The following AGMO variants were observed in gnomAD, a reference collection of about 807,000 sequenced individuals.
AGMO encodes the protein alkylglycerol monooxygenase, also known as glyceryl-ether monooxygenase.
AGMO carries 75 observed loss-of-function variants against 60.2 expected under a neutral mutation model. That is an observed-to-expected ratio of 1.25 (90% CI 1.03 to 1.51). AGMO has a LOEUF of 1.51. Among genes scored for constraint, AGMO ranks in the 40% most tolerant of loss-of-function variants. The pLI is 0.00. For synonymous variants in AGMO, 261 were observed against 177.1 expected, an observed-to-expected ratio of 1.47 and a Z score of -3.76; for missense variants, 763 against 525.5, an observed-to-expected ratio of 1.45 and a Z score of -4.42.
At chr7:15,507,453 G>C (rs187417894) in intron 3 of AGMO, among the ~76,000 whole-genome samples, 1 of 152,046 alleles carries the variant, frequency 6.6e-6, no homozygotes. Context: ...GTAGGACAGA[G>C]GCATATGTTT....
intron 4 of AGMO, among the ~76,000 whole-genome samples, chr7:15,421,356 A>G (rs1780916783): frequency 6.6e-6 from 1 of 152,188 alleles, no homozygotes; most frequent in Non-Finnish European, 1.5e-5. Context: ...GAATTTAGAC[A>G]GTGGCTAAAC....
chr7:15,188,123 T>C, the AGMO span, among the ~76,000 whole-genome samples: 2,300 of 152,162 alleles, frequency 0.015, 50 homozygotes, highest in African/African-American at 0.053. Flanking sequence ...CTGGTATGGG[T>C]CAAACAGAGG....
At chr7:15,194,198 A>G in the AGMO span, among the ~76,000 whole-genome samples, 33 of 152,274 alleles carry the variant, frequency 2.2e-4, no homozygotes, top group African/African-American at 7.2e-4. Context: ...AAATTACTTC[A>G]GTTACATTAA....
At chr7:15,375,903 A>G (rs1783433960) in intron 10 of AGMO, among the ~76,000 whole-genome samples, 1 of 152,146 alleles carries the variant, frequency 6.6e-6, no homozygotes, top group Admixed American at 6.5e-5. Context: ...ACCAAATTAG[A>G]AAACACTTAT....
At chr7:15,225,606 TAAA>T (rs1782056413) in intron 12 of AGMO, among the ~76,000 whole-genome samples, 1 of 151,950 alleles carries the variant, frequency 6.6e-6, no homozygotes. Context: ...ATATGAGAGA[TAAA>T]AAGACAGACT....
At chr7:15,500,251 T>A (rs1271296603) in intron 3 of AGMO, among the ~76,000 whole-genome samples, 1 of 151,888 alleles carries the variant, frequency 6.6e-6, no homozygotes, top group African/African-American at 2.4e-5. Flanking sequence ...AAACTGAGTC[T>A]TTTGAGTGTC....
Position 15,271,892 on chromosome 7 carries a change from T to C in AGMO, c.1264-70533A>G, listed in dbSNP as rs554926764. 3.3e-5 allele frequency among the ~76,000 whole-genome samples: 5 copies of C among 152,284 alleles called. No individual in the cohort carries two copies. The South Asian group carries it at 6.2e-4, about 19-fold the overall frequency. On this transcript the variant is annotated intron_variant, in intron 12 of 12. Coordinates refer to ENST00000342526, the MANE Select transcript of AGMO (RefSeq NM_001004320.2). ...TTAACAAAAAGGATGCCAAATTTTA[T>C]TGAATGCTTTTTCTACATTTATTGA...
chr7:15,532,716 TGCGGTGGTTCATGCCTATAATCTCAG>T (rs1784400271), intron 3 of AGMO, among the ~76,000 whole-genome samples: 1 of 12,528 alleles, frequency 8.0e-5, no homozygotes, highest in Non-Finnish European at 3.0e-4. Flanking sequence ...CTAGGCTGGG[TGCGGTGGTTCATGCCTATAATCTCAG>T]CACTTTGGGA....
the AGMO span, among the ~76,000 whole-genome samples, chr7:15,192,211 CT>C: frequency 6.6e-6 from 1 of 151,986 alleles, no homozygotes; most frequent in Non-Finnish European, 1.5e-5. Context: ...GAAGTTATCC[CT>C]GTTTTCCTGC....
chr7:15,128,290 A>T, the AGMO span, among the ~76,000 whole-genome samples: 1 of 152,180 alleles, frequency 6.6e-6, no homozygotes, highest in African/African-American at 2.4e-5. Context: ...AGCTGGAGAG[A>T]AGAAAGAAAG....
intron 10 of AGMO, among the ~76,000 whole-genome samples, chr7:15,367,483 GA>G (rs1250955619): frequency 6.6e-6 from 1 of 151,758 alleles, no homozygotes; most frequent in Non-Finnish European, 1.5e-5. Context: ...AACAATCTGG[GA>G]AACAAAGGAT....
At chr7:15,480,575 G>C (rs1367737480) in intron 3 of AGMO, among the ~76,000 whole-genome samples, 2 of 152,056 alleles carry the variant, frequency 1.3e-5, no homozygotes, top group South Asian at 4.1e-4. Flanking sequence ...GATGTTGCCT[G>C]GAATTCTCCT....
chr7:15,519,220 T>C (rs936110366), intron 3 of AGMO, among the ~76,000 whole-genome samples: 3 of 151,728 alleles, frequency 2.0e-5, no homozygotes, highest in Admixed American at 6.6e-5. Context: ...ATAAGAAGAA[T>C]GGAAAACACA....
chr7:15,197,286 T>C (rs925971339), downstream of AGMO, among the ~76,000 whole-genome samples: 3 of 152,192 alleles, frequency 2.0e-5, no homozygotes, highest in Non-Finnish European at 4.4e-5. Context: ...CTGTACACTA[T>C]AATGTATACC....
At chr7:15,447,457 C>T (rs1781730061) in intron 3 of AGMO, among the ~76,000 whole-genome samples, 1 of 152,202 alleles carries the variant, frequency 6.6e-6, no homozygotes, top group Non-Finnish European at 1.5e-5. Flanking sequence ...CATTGAACCC[C>T]ATAGCGGGAT....
intron 3 of AGMO, among the ~76,000 whole-genome samples, chr7:15,510,644 G>A (rs1438554017): frequency 2.0e-5 from 3 of 149,888 alleles, no homozygotes; most frequent in South Asian, 2.1e-4. Flanking sequence ...CAACAACGTA[G>A]ATGAACCTGG....
intron 12 of AGMO, among the ~76,000 whole-genome samples, chr7:15,365,013 G>A (rs1346499276): frequency 1.3e-5 from 2 of 151,900 alleles, no homozygotes; most frequent in East Asian, 1.9e-4. Context: ...TGGAAGATAA[G>A]AATTAACCAT....
At chr7:15,369,213 C>A (rs1322663826) in intron 10 of AGMO, among the ~76,000 whole-genome samples, 1 of 152,022 alleles carries the variant, frequency 6.6e-6, no homozygotes, top group Non-Finnish European at 1.5e-5. Flanking sequence ...TTGAAATACT[C>A]CCCTAACTGG....
intron 12 of AGMO, among the ~76,000 whole-genome samples, chr7:15,211,234 T>C (rs1281423005): frequency 6.6e-6 from 1 of 152,044 alleles, no homozygotes; most frequent in African/African-American, 2.4e-5. Context: ...TTTTAAATTA[T>C]AAAGTATTAT....
Sources: gnomAD v4.1 joint callset for allele counts (sites outside exome capture counted in the v4.1 genomes callset) on GRCh38, gnomAD v4.1.1 for gene constraint, MANE v1.5 for transcripts, NCBI Gene and HGNC (gene_info 2026-07-23, HGNC 2026-07-21) for gene names.